Variants in IQCJ observed in about 807,000 individuals in gnomAD.
The protein encoded by IQCJ is IQ domain-containing protein J.
In IQCJ, 9 loss-of-function variants were observed where a neutral mutation model predicts 11.0. The observed-to-expected ratio is 0.82, with a 90% CI of 0.49 to 1.43. IQCJ has a LOEUF of 1.43. IQCJ is among the 40% of genes most tolerant of loss of function. IQCJ has a pLI of 0.00. For synonymous variants in IQCJ, 55 were observed against 51.3 expected, an observed-to-expected ratio of 1.07 and a Z score of -0.31; for missense variants, 146 against 133.2, an observed-to-expected ratio of 1.10 and a Z score of -0.47.
chr3:159,120,821 G>C lies in IQCJ; in HGVS notation c.9+51380G>C, dbSNP rs1368486541. Among the ~76,000 whole-genome samples, 5 of 152,326 alleles carry C rather than the reference G, an allele frequency of 3.3e-5. No individual in the cohort carries two copies. The East Asian group carries it at 9.7e-4, about 29-fold the overall frequency. On this transcript the variant is annotated intron_variant, in intron 1 of 3. Coordinates refer to ENST00000397832, the MANE Select transcript of IQCJ (RefSeq NM_001042706.3). ...GTATGGTGGTAGGCAGTCTAGAACT[G>C]TCGGAGCTGCTAGAGGCATCAAGCA...
At chr3:159,224,480 A>G (rs1725728466) in intron 1 of IQCJ, among the ~76,000 whole-genome samples, 1 of 152,180 alleles carries the variant, frequency 6.6e-6, no homozygotes, top group Non-Finnish European at 1.5e-5. Context: ...ACAGTAGATA[A>G]AGAAAAGTTT....
intron 1 of IQCJ, among the ~76,000 whole-genome samples, chr3:159,221,482 C>T (rs1725542130): frequency 6.6e-6 from 1 of 152,080 alleles, no homozygotes; most frequent in South Asian, 2.1e-4. Flanking sequence ...GGTAATTGCC[C>T]TTGAGTATTT....
At chr3:159,257,698 G>A (rs537040967) in intron 3 of IQCJ, among the ~76,000 whole-genome samples, 5 of 152,336 alleles carry the variant, frequency 3.3e-5, no homozygotes, top group African/African-American at 1.2e-4. Context: ...AACAAATGAT[G>A]CAAATATGAT....
intron 1 of IQCJ, among the ~76,000 whole-genome samples, chr3:159,177,168 T>C (rs1376987195): frequency 6.6e-6 from 1 of 152,226 alleles, no homozygotes; most frequent in East Asian, 1.9e-4. Context: ...AGTTGAGCAA[T>C]ATTATTGTTT....
rs1027752265 is a variant in IQCJ, at chr3:159,089,262, G to T, written c.9+19821G>T. On this transcript the variant is annotated intron_variant, in intron 1 of 3. Coordinates refer to ENST00000397832, the MANE Select transcript of IQCJ (RefSeq NM_001042706.3). ...GAATATTGGCCCCCACTCTCTTCTG[G>T]CTTGTAGCGTTTCTGCCGAAAGATC... is the stretch of plus-strand genomic sequence containing the variant. Among the ~76,000 whole-genome samples the T allele has an allele frequency of 2.8e-4, 42 of 152,218 alleles. 1 individual carries two copies. Among genetic ancestry groups the T allele is most frequent in the African/African-American group, 9.6e-4 (40 of 41,528 alleles).
chr3:159,219,475 G>A (rs1725417263), intron 1 of IQCJ, among the ~76,000 whole-genome samples: 1 of 152,120 alleles, frequency 6.6e-6, no homozygotes, highest in African/African-American at 2.4e-5. Context: ...CTGGCCTGTG[G>A]TCAGCAGAGG....
At chr3:159,182,776 A>T (rs11320680) in intron 1 of IQCJ, among the ~76,000 whole-genome samples, 1 of 121,120 alleles carries the variant, frequency 8.3e-6, no homozygotes, top group Non-Finnish European at 1.6e-5. Context: ...ATTTTTATTT[A>T]TTTTATTTTT....
chr3:159,089,539 C>T (rs1158144982), intron 1 of IQCJ, among the ~76,000 whole-genome samples: 12 of 151,834 alleles, frequency 7.9e-5, no homozygotes, highest in East Asian at 3.9e-4. Flanking sequence ...CCATTCTCCC[C>T]GTCACTTTCA....
chr3:159,135,303 C>G lies in IQCJ; in HGVS notation c.9+65862C>G, dbSNP rs141255123. Among the ~76,000 whole-genome samples, 713 of 152,260 alleles carry G rather than the reference C, an allele frequency of 4.7e-3. 5 individuals carry two copies. Among genetic ancestry groups the G allele is most frequent in the African/African-American group, 0.016 (680 of 41,546 alleles). On this transcript the variant is annotated intron_variant, in intron 1 of 3. Transcript: ENST00000397832. ...ATGCTTTCCTGGCATCTAATCCCAG[C>G]CCAACCACAATTTTGACCCAGCCAT...
chr3:159,186,826 G>A (rs2108028586), intron 1 of IQCJ, among the ~76,000 whole-genome samples: 1 of 152,322 alleles, frequency 6.6e-6, no homozygotes, highest in South Asian at 2.1e-4. Context: ...CAGCACTTTT[G>A]AACATGCTGC....
chr3:159,233,096 T>C (rs1259740239), intron 1 of IQCJ, among the ~76,000 whole-genome samples: 1 of 152,208 alleles, frequency 6.6e-6, no homozygotes, highest in Non-Finnish European at 1.5e-5. Context: ...TAAAAGACTC[T>C]CTTATCGATT....
chr3:159,174,834 TGCA>T (rs1722684163), intron 1 of IQCJ, among the ~76,000 whole-genome samples: 1 of 152,196 alleles, frequency 6.6e-6, no homozygotes, highest in Non-Finnish European at 1.5e-5. Context: ...TAAATGATAA[TGCA>T]TATGTCATAC....
At chr3:159,194,068 G>A (rs1479475078) in intron 1 of IQCJ, among the ~76,000 whole-genome samples, 3 of 152,170 alleles carry the variant, frequency 2.0e-5, no homozygotes, top group Non-Finnish European at 2.9e-5. Context: ...TAGGTCTTTT[G>A]GGGGAAGAAC....
chr3:159,138,620 C>T (rs1182857794), intron 1 of IQCJ, among the ~76,000 whole-genome samples: 2 of 152,200 alleles, frequency 1.3e-5, no homozygotes, highest in Non-Finnish European at 2.9e-5. Flanking sequence ...TTGGACAATA[C>T]ATAAAGTGAG....
chr3:159,209,665 C>T (rs1047361672), intron 1 of IQCJ, among the ~76,000 whole-genome samples: 4 of 152,174 alleles, frequency 2.6e-5, no homozygotes, highest in Non-Finnish European at 4.4e-5. Flanking sequence ...TTCCTGCCAG[C>T]GCCTAACAGC....
Position 159,122,662 on chromosome 3 carries a change from A to G in IQCJ, c.9+53221A>G, listed in dbSNP as rs531111489. Among the ~76,000 whole-genome samples the G allele has an allele frequency of 2.6e-5, 4 of 152,344 alleles. No homozygotes were observed. The East Asian group carries it at 5.8e-4, about 22-fold the overall frequency. The stretch of plus-strand genomic sequence containing the variant: ...TATCTTAAGCTGTCTTTTGAAATAT[A>G]GAATAAAAATGATACGTGAATAAAG... On this transcript the variant is annotated intron_variant, in intron 1 of 3. Transcript: ENST00000397832.
chr3:159,169,349 A>T (rs563729821), intron 1 of IQCJ, among the ~76,000 whole-genome samples: 6 of 118,144 alleles, frequency 5.1e-5, no homozygotes, highest in Non-Finnish European at 8.0e-5. Flanking sequence ...GAATGGTGTG[A>T]TCTCGGCTCA....
chr3:159,211,880 A>C (rs1384859746), intron 1 of IQCJ, among the ~76,000 whole-genome samples: 1 of 152,106 alleles, frequency 6.6e-6, no homozygotes, highest in African/African-American at 2.4e-5. Flanking sequence ...AGTCAAATCA[A>C]GGAGAATGGA....
intron 1 of IQCJ, among the ~76,000 whole-genome samples, chr3:159,171,464 T>TG (rs2108238194): frequency 6.6e-6 from 1 of 152,224 alleles, no homozygotes; most frequent in East Asian, 1.9e-4. Flanking sequence ...CTAAAGATTC[T>TG]GGGGTAGGGC....
Sources: allele counts gnomAD v4.1 joint callset (sites outside exome capture counted in the v4.1 genomes callset), GRCh38; gene constraint gnomAD v4.1.1; transcripts MANE v1.5; gene names NCBI Gene and HGNC (gene_info 2026-07-23, HGNC 2026-07-21).